SHB: variants seen among roughly 807,000 people sequenced by gnomAD.
SHB encodes SH2 domain-containing adapter protein B.
In SHB, 20 loss-of-function variants were observed where a neutral mutation model predicts 52.3. The ratio of observed to expected loss-of-function variants is 0.38; its 90% CI spans 0.27 to 0.56. The LOEUF is 0.56. Among genes scored for constraint, SHB ranks in the 20% least tolerant of loss-of-function variants. SHB has a pLI of 0.71. For missense variants in SHB, 825 were observed against 723.3 expected (o/e 1.14, Z -1.61); for synonymous variants, 397 against 316.5 (o/e 1.25, Z -2.70).
chr9:37,966,134 T>C (rs4637938), intron 3 of SHB, among the ~76,000 whole-genome samples: 88,608 of 152,072 alleles, frequency 0.58, 26,099 homozygotes, highest in East Asian at 0.82. Context: ...CCACTGCGTC[T>C]GGCCTGATTT....
intron 1 of SHB, among the ~76,000 whole-genome samples, chr9:38,036,759 G>A (rs1821493238): frequency 6.6e-6 from 1 of 152,196 alleles, no homozygotes; most frequent in Non-Finnish European, 1.5e-5. Flanking sequence ...AATAATACAA[G>A]AAATACTGAG....
rs546080097 is a variant in SHB, at chr9:37,950,538, G to T, written c.1227-1784C>A. Among the ~76,000 whole-genome samples, 52 of 152,330 alleles carry T rather than the reference G, an allele frequency of 3.4e-4. 1 individual carries two copies. Among genetic ancestry groups the T allele is most frequent in the African/African-American group, 1.2e-3 (49 of 41,578 alleles). Reference sequence around the variant, plus strand: ...CAAAATACATTCCTGTTTACATGATGGTCTCTGCGCGGTAGTGGAGGGGGT... The same window carrying T: ...CAAAATACATTCCTGTTTACATGATTGTCTCTGCGCGGTAGTGGAGGGGGT... On this transcript the variant is annotated intron_variant, in intron 4 of 5. Transcript: ENST00000377707.
chr9:37,933,797 A>G (rs1053738584), intron 5 of SHB, among the ~76,000 whole-genome samples: 89 of 152,062 alleles, frequency 5.9e-4, no homozygotes, highest in Non-Finnish European at 1.3e-4. Context: ...GCCTGTGGTT[A>G]AGTTCTTCCA....
chr9:38,067,810 G>A (rs1263676044), intron 1 of SHB, 119 bp downstream of exon 1: 5 of 1,146,492 alleles, frequency 4.4e-6, no homozygotes, highest in East Asian at 3.2e-5. Context: ...CGCCAGCCCC[G>A]ACCCAGGGTC....
At chr9:37,929,515 G>A (rs905577508) in intron 5 of SHB, among the ~76,000 whole-genome samples, 7 of 152,218 alleles carry the variant, frequency 4.6e-5, no homozygotes, top group African/African-American at 1.7e-4. Context: ...TGTGTCTGGT[G>A]CACCTGGCTG....
intron 2 of SHB, among the ~76,000 whole-genome samples, chr9:38,008,409 T>C (rs768080416): frequency 6.6e-6 from 1 of 152,238 alleles, no homozygotes; most frequent in African/African-American, 2.4e-5. Context: ...GTGACTAATA[T>C]GAAATCTATT....
intron 3 of SHB, among the ~76,000 whole-genome samples, chr9:37,961,094 C>G (rs1832688137): frequency 1.3e-5 from 2 of 152,312 alleles, no homozygotes; most frequent in African/African-American, 4.8e-5. Context: ...AGGTCTGGCA[C>G]AAACGCCACC....
chr9:37,963,464 C>T (rs1485487203), intron 3 of SHB, among the ~76,000 whole-genome samples: 1 of 152,192 alleles, frequency 6.6e-6, no homozygotes, highest in African/African-American at 2.4e-5. Flanking sequence ...ATTTGTAAAC[C>T]ATATGTGGCT....
chr9:38,003,769 T>TCCC, intron 2 of SHB, among the ~76,000 whole-genome samples: 1 of 152,070 alleles, frequency 6.6e-6, no homozygotes, highest in African/African-American at 2.4e-5. Context: ...CACTAACCCT[T>TCCC]CCCCCAGTAA....
chr9:37,937,564 G>A (rs1394771473), intron 5 of SHB, among the ~76,000 whole-genome samples: 1 of 152,204 alleles, frequency 6.6e-6, no homozygotes, highest in Non-Finnish European at 1.5e-5. Context: ...AGAAGAGCAG[G>A]TGAAAGACAT....
chr9:38,044,587 T>C (rs1426022634), intron 1 of SHB, among the ~76,000 whole-genome samples: 1 of 152,208 alleles, frequency 6.6e-6, no homozygotes, highest in East Asian at 1.9e-4. Context: ...GAATCAAAGC[T>C]GCTCTTTCCA....
At position 37,941,338 on chromosome 9, in the gene SHB, C is replaced by T. The variant is rs531756787; in HGVS notation, c.1346+7297G>A. On this transcript the variant is annotated intron_variant, in intron 5 of 5. Coordinates refer to ENST00000377707, the MANE Select transcript of SHB (RefSeq NM_003028.3). ...GCTAAGCACTTCACATATATTGTGT[C>T]TTCATTAATACACCTGTGAAACCCA... Among the ~76,000 whole-genome samples, 6 of 152,316 alleles carry T rather than the reference C, an allele frequency of 3.9e-5. No homozygotes were observed. The South Asian group carries it at 1.2e-3, about 32-fold the overall frequency.
intron 1 of SHB, among the ~76,000 whole-genome samples, chr9:38,026,754 G>T (rs920223590): frequency 6.6e-6 from 1 of 152,232 alleles, no homozygotes; most frequent in Non-Finnish European, 1.5e-5. Context: ...TTTCTCACAT[G>T]TACTCGGCGC....
chr9:37,931,229 A>T (rs1832307825), intron 5 of SHB, among the ~76,000 whole-genome samples: 1 of 152,162 alleles, frequency 6.6e-6, no homozygotes, highest in African/African-American at 2.4e-5. Flanking sequence ...ATCATATCAA[A>T]AGCTCAAAAT....
chr9:38,036,557 G>A (rs551397133), intron 1 of SHB, among the ~76,000 whole-genome samples: 6 of 152,294 alleles, frequency 3.9e-5, no homozygotes, highest in South Asian at 4.1e-4. Flanking sequence ...GGCCACTGGC[G>A]GCGATGATCT....
chr9:37,974,015 G>A (rs1820623168), intron 3 of SHB, among the ~76,000 whole-genome samples: 1 of 152,212 alleles, frequency 6.6e-6, no homozygotes, highest in Non-Finnish European at 1.5e-5. Flanking sequence ...AGCACTTTGG[G>A]AGGCCGAGGT....
At chr9:37,931,543 T>C (rs1832310949) in intron 5 of SHB, among the ~76,000 whole-genome samples, 2 of 152,222 alleles carry the variant, frequency 1.3e-5, no homozygotes, top group Non-Finnish European at 2.9e-5. Flanking sequence ...CTATGAGGTA[T>C]CACTTCATAC....
At chr9:37,989,086 C>A (rs971290210) in intron 2 of SHB, among the ~76,000 whole-genome samples, 10 of 128,974 alleles carry the variant, frequency 7.8e-5, no homozygotes, top group Non-Finnish European at 1.5e-4. Flanking sequence ...TACACACACA[C>A]ACACTCTCTC....
intron 5 of SHB, among the ~76,000 whole-genome samples, chr9:37,930,648 C>A (rs1345893926): frequency 1.3e-5 from 2 of 152,184 alleles, no homozygotes; most frequent in Non-Finnish European, 2.9e-5. Context: ...AGCACCTTAT[C>A]TAACTTAGTT....
Sources: gnomAD v4.1 joint callset for allele counts (sites outside exome capture counted in the v4.1 genomes callset) on GRCh38, gnomAD v4.1.1 for gene constraint, MANE v1.5 for transcripts, NCBI Gene and HGNC (gene_info 2026-07-23, HGNC 2026-07-21) for gene names.